CALCR: variants seen among roughly 807,000 people sequenced by gnomAD.
The protein encoded by CALCR is calcitonin receptor.
CALCR carries 47 observed loss-of-function variants against 59.5 expected under a neutral mutation model. That is an observed-to-expected ratio of 0.79 (90% CI 0.63 to 1.01). The LOEUF is 1.01. CALCR is among the 50% of genes least tolerant of loss of function. The probability of loss-of-function intolerance (pLI) is 0.00; values close to 1 mark genes in which losing one functional copy is unlikely to be tolerated. For missense variants in CALCR, 566 were observed against 597.1 expected (o/e 0.95, Z 0.54); for synonymous variants, 213 against 211.3 (o/e 1.01, Z -0.07).
At chr7:93,541,903 T>C (rs1789150932) in intron 2 of CALCR, among the ~76,000 whole-genome samples, 1 of 152,200 alleles carries the variant, frequency 6.6e-6, no homozygotes, top group Non-Finnish European at 1.5e-5. Flanking sequence ...GAGAAACTAA[T>C]TGCTAAGCAT....
chr7:93,491,432 T>C (rs578223964), intron 2 of CALCR, among the ~76,000 whole-genome samples: 2 of 152,202 alleles, frequency 1.3e-5, no homozygotes, highest in East Asian at 3.9e-4. Context: ...AAAGAACTTC[T>C]GCGCAGCAAA....
intron 12 of CALCR, among the ~76,000 whole-genome samples, chr7:93,435,579 G>A (rs530479014): frequency 3.3e-5 from 5 of 152,140 alleles, no homozygotes; most frequent in South Asian, 2.1e-4. Context: ...AGGCCGAGGC[G>A]GGCAGAATAC....
At chr7:93,549,772 C>G (rs1389094359) in intron 2 of CALCR, among the ~76,000 whole-genome samples, 2 of 152,090 alleles carry the variant, frequency 1.3e-5, no homozygotes, top group African/African-American at 4.8e-5. Flanking sequence ...TCTTTATAAC[C>G]TAACCGAGAT....
intron 2 of CALCR, among the ~76,000 whole-genome samples, chr7:93,496,802 C>A (rs1417360871): frequency 1.3e-5 from 2 of 151,570 alleles, no homozygotes; most frequent in East Asian, 1.9e-4. Flanking sequence ...TCTTTCTAGA[C>A]AATTCTATTT....
intron 2 of CALCR, among the ~76,000 whole-genome samples, chr7:93,494,494 T>C (rs536115523): frequency 6.6e-6 from 1 of 151,550 alleles, no homozygotes; most frequent in South Asian, 2.1e-4. Context: ...GGGATTTAGA[T>C]AAGAAACAAT....
chr7:93,500,461 G>A (rs1439312615), intron 2 of CALCR, among the ~76,000 whole-genome samples: 1 of 151,942 alleles, frequency 6.6e-6, no homozygotes, highest in African/African-American at 2.4e-5. Flanking sequence ...CCACCAATTA[G>A]AACAATTGCT....
At position 93,571,505 on chromosome 7, in the gene CALCR, G is replaced by C. The variant is rs141538166; in HGVS notation, c.-27+2784C>G. Among the ~76,000 whole-genome samples, 154 of 151,660 alleles carry C rather than the reference G, an allele frequency of 1.0e-3. No individual in the cohort carries two copies. The South Asian group carries it at 0.013, about 12-fold the overall frequency. On this transcript the variant is annotated intron_variant, in intron 2 of 13. Transcript: ENST00000426151. ...ATTCTACAAAGAAAATTAAGGCACC[G>C]AGAAGTTACATTATGTGCCCAAATC... is the stretch of plus-strand genomic sequence containing the variant.
At chr7:93,480,017 C>CATGG (rs1371885074) in intron 3 of CALCR, among the ~76,000 whole-genome samples, 1 of 151,862 alleles carries the variant, frequency 6.6e-6, no homozygotes, top group Non-Finnish European at 1.5e-5. Context: ...ATGGAACAAA[C>CATGG]AAAATATGTT....
intron 2 of CALCR, 25 bp from the exon 3 acceptor site, chr7:93,487,032 G>T (rs767336639): frequency 4.0e-6 from 5 of 1,240,798 alleles, no homozygotes; most frequent in Non-Finnish European, 5.8e-6. Context: ...AAGCAACAAA[G>T]ACTAAAATTA....
intron 2 of CALCR, among the ~76,000 whole-genome samples, chr7:93,558,258 T>G (rs1200433776): frequency 6.6e-6 from 1 of 151,760 alleles, no homozygotes; most frequent in Non-Finnish European, 1.5e-5. Context: ...TAGAAAGAAA[T>G]AAAACAATTC....
intron 5 of CALCR, among the ~76,000 whole-genome samples, chr7:93,475,700 C>G (rs1168716379): frequency 6.6e-6 from 1 of 151,824 alleles, no homozygotes; most frequent in Non-Finnish European, 1.5e-5. Flanking sequence ...TTTGTTTTAA[C>G]TAAAGTCTGG....
At chr7:93,495,951 G>T in intron 2 of CALCR, 1 of 1,520,740 alleles carries the variant, frequency 6.6e-7, no homozygotes, top group Non-Finnish European at 8.8e-7. Flanking sequence ...GCAAAAGTGG[G>T]TGGATCAGTG....
intron 5 of CALCR, among the ~76,000 whole-genome samples, chr7:93,474,958 A>G: frequency 6.6e-6 from 1 of 151,750 alleles, no homozygotes; most frequent in Non-Finnish European, 1.5e-5. Context: ...AGGCTAAGGA[A>G]ATAACATACT....
intron 2 of CALCR, among the ~76,000 whole-genome samples, chr7:93,569,077 G>GTTTTTT (rs113489580): frequency 6.6e-6 from 1 of 150,390 alleles, no homozygotes. Flanking sequence ...AAATAATTTC[G>GTTTTTT]TTTTTTTTTC....
chr7:93,438,074 T>C lies in CALCR; in HGVS notation c.916A>G (p.Met306Val). ...HLLYIIHGPV[M>V]AALVVNFFFL... ...CTAATTCTCACCACAAGTGCCGCCA[T>C]GACAGGTCCATGGATTATGTAAAGC... Residue 306 changes from methionine to valine, a missense_variant, in exon 11 of 14, where the codon ATG becomes GTG. Met to Val is a conservative substitution (Grantham distance 21, BLOSUM62 1). Transcript: ENST00000426151. The C allele has an allele frequency of 6.2e-7, 1 of 1,613,836 alleles. No individual in the cohort carries two copies. The highest frequency in any genetic ancestry group is 1.3e-5 in the African/African-American group (1 of 75,022).
At chr7:93,511,500 T>C (rs1200043516) in intron 2 of CALCR, among the ~76,000 whole-genome samples, 1 of 152,110 alleles carries the variant, frequency 6.6e-6, no homozygotes, top group African/African-American at 2.4e-5. Flanking sequence ...ATAATCACTT[T>C]ATCAACAATT....
At chr7:93,427,351 AGTT>A (rs745338882) in intron 13 of CALCR, among the ~76,000 whole-genome samples, 7 of 152,190 alleles carry the variant, frequency 4.6e-5, no homozygotes, top group Non-Finnish European at 1.0e-4. Flanking sequence ...TCAATTTAGT[AGTT>A]AAGTTCCTCC....
chr7:93,530,646 G>A (rs1788808050), intron 2 of CALCR, among the ~76,000 whole-genome samples: 1 of 152,142 alleles, frequency 6.6e-6, no homozygotes, highest in African/African-American at 2.4e-5. Flanking sequence ...TCCTTTGACT[G>A]AGGAGAGCAG....
At chr7:93,479,299 G>T in intron 4 of CALCR, 55 bp downstream of exon 4, 1 of 1,487,266 alleles carries the variant, frequency 6.7e-7, no homozygotes, top group Non-Finnish European at 9.0e-7. Context: ...AACCACAAAA[G>T]AAAATGTCTG....
Sources: allele counts gnomAD v4.1 joint callset (sites outside exome capture counted in the v4.1 genomes callset), GRCh38; gene constraint gnomAD v4.1.1; transcripts MANE v1.5; gene names NCBI Gene and HGNC (gene_info 2026-07-23, HGNC 2026-07-21).